FAM222B: variants seen among roughly 807,000 people sequenced by gnomAD.
The protein encoded by FAM222B is family with sequence similarity 222 member B.
FAM222B carries 12 observed loss-of-function variants against 38.0 expected under a neutral mutation model. The ratio of observed to expected loss-of-function variants is 0.32; its 90% confidence interval spans 0.20 to 0.51. The LOEUF (loss-of-function observed/expected upper bound fraction) is 0.51. Ranked by LOEUF, FAM222B falls within the 20% of genes least tolerant of loss-of-function variation. The pLI is 0.97. For synonymous variants in FAM222B, 329 were observed against 317.2 expected (o/e 1.04, Z -0.40); for missense variants, 716 against 754.2 (o/e 0.95, Z 0.59).
chr17:28,835,225 C>A (rs529472544), intron 1 of FAM222B, among the ~76,000 whole-genome samples: 1 of 151,960 alleles, frequency 6.6e-6, no homozygotes, highest in African/African-American at 2.4e-5. Flanking sequence ...TTAGTAGAGA[C>A]GGGGTCTCAC....
At chr17:28,815,009 G>A (rs1306667352) in intron 1 of FAM222B, among the ~76,000 whole-genome samples, 2 of 150,998 alleles carry the variant, frequency 1.3e-5, no homozygotes, top group Non-Finnish European at 3.0e-5. Context: ...CCAGACCTCA[G>A]GTGATCCACC....
chr17:28,790,001 G>C (rs2036591646), intron 1 of FAM222B, among the ~76,000 whole-genome samples: 1 of 152,142 alleles, frequency 6.6e-6, no homozygotes, highest in African/African-American at 2.4e-5. Context: ...GTGTTAGTTT[G>C]GGGAGTATTT....
chr17:28,756,393 C>A lies in FAM222B; in HGVS notation c.*1877G>T, dbSNP rs1016890188. ...TGACTTAAAGCCCCCAAGTTGGTGTCTGGTCCAGTTTCCTAAAATAGCAGC... is the reference window on the plus strand; with the variant it reads ...TGACTTAAAGCCCCCAAGTTGGTGTATGGTCCAGTTTCCTAAAATAGCAGC... On this transcript the variant is annotated 3_prime_UTR_variant, in exon 3 of 3. Transcript: ENST00000581407. The A allele has an allele frequency of 6.6e-6, 1 of 152,514 alleles. No individual in the cohort carries two copies. Among genetic ancestry groups the A allele is most frequent in the African/African-American group, 2.4e-5 (1 of 41,386 alleles). The allele number at this position is 152,514 out of a possible 1,614,324, so 9.4% of individuals were successfully genotyped here. A position where few individuals can be genotyped will look rare whatever the true frequency, so the allele number is the denominator to read the frequency against.
chr17:28,807,832 G>A (rs1597981794), intron 1 of FAM222B, among the ~76,000 whole-genome samples: 1 of 152,172 alleles, frequency 6.6e-6, no homozygotes, highest in African/African-American at 2.4e-5. Flanking sequence ...GTTTAAAGAA[G>A]ATACAAAGGC....
chr17:28,778,711 ATATATATATTT>A (rs2036018857), intron 1 of FAM222B, among the ~76,000 whole-genome samples: 1 of 70,440 alleles, frequency 1.4e-5, no homozygotes, highest in African/African-American at 6.4e-5. Context: ...ATATATATAT[ATATATATATTT>A]TTTTTTTTTT....
intron 1 of FAM222B, among the ~76,000 whole-genome samples, chr17:28,775,461 CAAAA>C (rs11329881): frequency 7.4e-6 from 1 of 135,392 alleles, no homozygotes. Context: ...TCACTGCCTT[CAAAA>C]AAAAAAAAAA....
At chr17:28,763,117 T>G (rs2035164810) in intron 2 of FAM222B, among the ~76,000 whole-genome samples, 1 of 152,038 alleles carries the variant, frequency 6.6e-6, no homozygotes, top group South Asian at 2.1e-4. Flanking sequence ...ACATAGACAA[T>G]GTAGGGAATA....
chr17:28,835,065 T>TGTGTGTGTGTGA lies in FAM222B; in HGVS notation c.-41+7616_-41+7617insTCACACACACAC, dbSNP rs1351454161. ...GTGTGTGTGTGTGTGTGTGTGTGTG[T>TGTGTGTGTGTGA]GATGGAGTCACGCTCTATCGCCCAG... On this transcript the variant is annotated intron_variant, in intron 1 of 2. Coordinates refer to ENST00000581407, the MANE Select transcript of FAM222B (RefSeq NM_001077498.3). Among the ~76,000 whole-genome samples, 8 of 128,676 alleles carry TGTGTGTGTGTGA rather than the reference T, an allele frequency of 6.2e-5. No individual in the cohort carries two copies. In the South Asian group the frequency reaches 2.0e-3, roughly 32 times the overall value. The allele number at this position is 128,676 out of a possible 152,430, so 84.4% of individuals were successfully genotyped here.
intron 1 of FAM222B, among the ~76,000 whole-genome samples, chr17:28,781,163 T>G (rs1460784095): frequency 6.6e-6 from 1 of 152,122 alleles, no homozygotes; most frequent in African/African-American, 2.4e-5. Context: ...CTGGGCATGG[T>G]GGCTCACACC....
chr17:28,761,919 T>TAA (rs2035091304), intron 2 of FAM222B: 1 of 152,132 alleles, frequency 6.6e-6, no homozygotes, highest in South Asian at 2.1e-4. Flanking sequence ...CACAGTGCTT[T>TAA]AAACCTAGCC....
At chr17:28,772,087 G>T (rs1032797372) in intron 1 of FAM222B, among the ~76,000 whole-genome samples, 6 of 152,028 alleles carry the variant, frequency 3.9e-5, no homozygotes, top group Admixed American at 1.3e-4. Context: ...TTTAAAATAA[G>T]GGGGAAAAAA....
intron 1 of FAM222B, among the ~76,000 whole-genome samples, chr17:28,778,719 A>ATTTTTTTTTTTTTTTTTTTT (rs59098589): frequency 3.9e-5 from 1 of 25,490 alleles, no homozygotes; most frequent in African/African-American, 1.5e-4. Flanking sequence ...ATATATATAT[A>ATTTTTTTTTTTTTTTTTTTT]TTTTTTTTTT....
At chr17:28,787,878 G>A (rs1351777703) in intron 1 of FAM222B, among the ~76,000 whole-genome samples, 3 of 140,924 alleles carry the variant, frequency 2.1e-5, no homozygotes, top group Non-Finnish European at 3.0e-5. Flanking sequence ...AGGCTGGAGT[G>A]CAATGGCACG....
intron 1 of FAM222B, among the ~76,000 whole-genome samples, chr17:28,778,638 G>A (rs1400727061): frequency 7.2e-6 from 1 of 138,426 alleles, no homozygotes; most frequent in African/African-American, 2.7e-5. Flanking sequence ...TGAGTAGCTG[G>A]GACTACAGGC....
At position 28,759,000 on chromosome 17, in the gene FAM222B, G is replaced by C; in HGVS notation, c.959C>G (p.Pro320Arg). The C allele has an allele frequency of 6.2e-7, 1 of 1,612,870 alleles. No homozygotes were observed. Among genetic ancestry groups the C allele is most frequent in the Non-Finnish European group, 8.5e-7 (1 of 1,179,472 alleles). Residue 320 changes from proline to arginine, a missense_variant, in exon 3 of 3, where the codon CCT becomes CGT. Physicochemically the swap from Pro to Arg is moderately radical, Grantham distance 103 (BLOSUM62 -2). Coordinates refer to ENST00000581407, the MANE Select transcript of FAM222B (RefSeq NM_001077498.3). ...VSTHSVPTPM[P>R]SCVVNPMEHT... ...CTCCATGGGATTGACCACACATGAAGGCATTGGTGTGGGGACGCTGTGGGT... is the reference window on the plus strand; with the variant it reads ...CTCCATGGGATTGACCACACATGAACGCATTGGTGTGGGGACGCTGTGGGT...
chr17:28,853,766 C>T (rs4795467), intron 1 of FAM222B, among the ~76,000 whole-genome samples: 25,905 of 151,812 alleles, frequency 0.17, 2,319 homozygotes, highest in South Asian at 0.28. Flanking sequence ...TAGCATGTGC[C>T]TGTAGTCCTA....
intron 1 of FAM222B, among the ~76,000 whole-genome samples, chr17:28,835,708 G>A (rs2038822054): frequency 6.6e-6 from 1 of 152,128 alleles, no homozygotes. Flanking sequence ...CGCCCAGGCT[G>A]GAGTGCAATA....
Position 28,758,968 on chromosome 17 carries a change from G to A in FAM222B, c.991C>T (p.His331Tyr), listed in dbSNP as rs534717471. The change falls in exon 3 of 3, where the codon CAC becomes TAC. Residue 331 changes from histidine to tyrosine, a missense_variant. Physicochemically the swap from His to Tyr is moderately conservative, Grantham distance 83. Transcript: ENST00000581407. ...GCAGGCAACGCGGCGGTGGCCGCGT[G>A]GGTGTGCTCCATGGGATTGACCACA... ...SCVVNPMEHTHAATAALPAAG... is the reference protein window; with the variant it reads ...SCVVNPMEHTYAATAALPAAG... 21 of 1,611,484 alleles carry A rather than the reference G, an allele frequency of 1.3e-5. No individual in the cohort carries two copies. In the South Asian group the frequency reaches 2.3e-4, roughly 18 times the overall value.
At chr17:28,815,152 C>T (rs2037968244) in intron 1 of FAM222B, among the ~76,000 whole-genome samples, 1 of 151,612 alleles carries the variant, frequency 6.6e-6, no homozygotes, top group Non-Finnish European at 1.5e-5. Flanking sequence ...AATCCGTCAA[C>T]AGTAGTTATT....
Sources: gnomAD v4.1 joint callset for allele counts (sites outside exome capture counted in the v4.1 genomes callset) on GRCh38, gnomAD v4.1.1 for gene constraint, MANE v1.5 for transcripts, NCBI Gene and HGNC (gene_info 2026-07-23, HGNC 2026-07-21) for gene names.